Variants in ADGB observed in about 807,000 individuals in gnomAD.
ADGB encodes the protein androglobin.
Under a neutral mutation model 210.5 loss-of-function variants are expected in ADGB, and 172 were observed. The observed-to-expected ratio is 0.82, with a 90% CI of 0.72 to 0.93. The LOEUF is 0.93. Among genes scored for constraint, ADGB ranks in the 40% least tolerant of loss-of-function variants. ADGB has a pLI of 0.00. For synonymous variants in ADGB, 658 were observed against 662.7 expected (o/e 0.99, Z 0.11); for missense variants, 2,025 against 1,964.8 (o/e 1.03, Z -0.58).
At chr6:146,767,452 A>G (rs1045749890) in intron 28 of ADGB, among the ~76,000 whole-genome samples, 1 of 152,174 alleles carries the variant, frequency 6.6e-6, no homozygotes, top group Non-Finnish European at 1.5e-5. Flanking sequence ...CTTCACACAT[A>G]GATCTTGAAT....
At chr6:146,758,156 T>C (rs1267488695) in intron 27 of ADGB, among the ~76,000 whole-genome samples, 1 of 152,118 alleles carries the variant, frequency 6.6e-6, no homozygotes, top group African/African-American at 2.4e-5. Context: ...TCATTCAAAC[T>C]TGCCCAACTC....
intron 35 of ADGB, among the ~76,000 whole-genome samples, chr6:146,812,753 C>A (rs952060774): frequency 1.3e-5 from 2 of 152,174 alleles, no homozygotes; most frequent in African/African-American, 2.4e-5. Context: ...CTAAAGTTTT[C>A]AATGACATGC....
At chr6:146,637,889 G>A (rs1775447818) in intron 2 of ADGB, among the ~76,000 whole-genome samples, 1 of 151,942 alleles carries the variant, frequency 6.6e-6, no homozygotes, top group South Asian at 2.1e-4. Flanking sequence ...CTCATTCCAT[G>A]AGAACATCAT....
At chr6:146,666,935 T>G in intron 7 of ADGB, 33 bp downstream of exon 7, 1 of 1,431,092 alleles carries the variant, frequency 7.0e-7, no homozygotes, top group Non-Finnish European at 9.6e-7. Flanking sequence ...TCATATCTAT[T>G]TTTTTTATCT....
chr6:146,716,903 T>G lies in ADGB; in HGVS notation c.1762T>G (p.Phe588Val). 2.6e-6 allele frequency: 4 copies of G among 1,549,594 alleles called. No homozygotes were observed. The highest frequency in any genetic ancestry group is 3.5e-6 in the Non-Finnish European group (4 of 1,145,926). Residue 588 changes from phenylalanine to valine, a missense_variant, in exon 15 of 36, where the codon TTT (phenylalanine) becomes GTT (valine). Coordinates refer to ENST00000397944, the MANE Select transcript of ADGB (RefSeq NM_024694.4). ...TCTAGGCACAGATGAACAAACAGAC[T>G]TTGGATTGGGTGATGCTCATCAGAG... ...LGKGTDEQTD[F>V]GLGDAHQSDG...
chr6:146,732,997 G>T, intron 20 of ADGB, 123 bp from the exon 21 acceptor site: 1 of 705,190 alleles, frequency 1.4e-6, no homozygotes, highest in Non-Finnish European at 2.1e-6. Context: ...TCTTCTGTTA[G>T]GTTGCGTGTA....
intron 13 of ADGB, among the ~76,000 whole-genome samples, chr6:146,712,298 C>T (rs546224883): frequency 6.6e-6 from 1 of 152,104 alleles, no homozygotes; most frequent in Admixed American, 6.5e-5. Context: ...GATTCTCCTG[C>T]CTCAGCCTCC....
chr6:146,645,706 A>C (rs1010985717), intron 3 of ADGB, among the ~76,000 whole-genome samples: 3 of 152,062 alleles, frequency 2.0e-5, no homozygotes, highest in African/African-American at 7.2e-5. Flanking sequence ...CTAATTCAAG[A>C]AAATATGATA....
At chr6:146,666,683 G>T (rs1033047682) in intron 6 of ADGB, 133 bp from the exon 7 acceptor site, 4 of 444,836 alleles carry the variant, frequency 9.0e-6, no homozygotes, top group Non-Finnish European at 1.6e-5. Flanking sequence ...TGGCTTCTGG[G>T]ATAGTATTTT....
At chr6:146,716,599 CAAAAAAAAAAAAAA>C (rs10606792) in intron 14 of ADGB, among the ~76,000 whole-genome samples, 1,190 of 66,886 alleles carry the variant, frequency 0.018, 223 homozygotes, top group African/African-American at 0.1. Flanking sequence ...GACTCCGTCT[CAAAAAAAAAAAAAA>C]AAAAAAAAAA....
intron 33 of ADGB, among the ~76,000 whole-genome samples, chr6:146,794,054 C>G (rs960826522): frequency 1.3e-5 from 2 of 152,092 alleles, no homozygotes; most frequent in Admixed American, 6.5e-5. Context: ...CATTCCTAAC[C>G]CTATATGTAG....
intron 27 of ADGB, among the ~76,000 whole-genome samples, chr6:146,762,840 T>C (rs1468126614): frequency 1.3e-5 from 2 of 152,144 alleles, no homozygotes; most frequent in Non-Finnish European, 2.9e-5. Flanking sequence ...AGAATTTCAA[T>C]GTCTCTCAAC....
rs1021693437 is a variant in ADGB at position 146,723,781 on chromosome 6, T to A, written c.2096-405T>A. Among the ~76,000 whole-genome samples the A allele has an allele frequency of 4.6e-5, 7 of 152,288 alleles. No homozygotes were observed. In the East Asian group the frequency reaches 7.7e-4, roughly 17 times the overall value. The stretch of plus-strand genomic sequence containing the variant: ...TTGATAAACAGTGGGATATTTGGAT[T>A]TATTTTTTACACTATTTTAGAGAAA... On this transcript the variant is annotated intron_variant, in intron 17 of 35. Transcript: ENST00000397944.
intron 10 of ADGB, among the ~76,000 whole-genome samples, chr6:146,687,856 T>C (rs138028548): frequency 6.6e-6 from 1 of 152,174 alleles, no homozygotes; most frequent in African/African-American, 2.4e-5. Flanking sequence ...AAACCCCCTT[T>C]AAAACCACAA....
chr6:146,646,719 A>G (rs561140976), intron 3 of ADGB, among the ~76,000 whole-genome samples: 3 of 152,182 alleles, frequency 2.0e-5, no homozygotes. Context: ...GCAACAAATC[A>G]GAGGCTGAAT....
chr6:146,769,409 T>G (rs1206999862), intron 29 of ADGB, among the ~76,000 whole-genome samples: 1 of 152,168 alleles, frequency 6.6e-6, no homozygotes, highest in African/African-American at 2.4e-5. Flanking sequence ...TGATTATACT[T>G]TTGAACATTT....
intron 4 of ADGB, 30 bp from the exon 5 acceptor site, chr6:146,656,741 C>T (rs1426068380): frequency 7.0e-7 from 1 of 1,432,366 alleles, no homozygotes; most frequent in Non-Finnish European, 9.3e-7. Flanking sequence ...TGAAAAATAA[C>T]CAATTAACCC....
chr6:146,644,513 C>T (rs577978795), intron 2 of ADGB, among the ~76,000 whole-genome samples: 1 of 151,876 alleles, frequency 6.6e-6, no homozygotes, highest in East Asian at 1.9e-4. Context: ...TTTAGGCTAC[C>T]TCCTATACAA....
At position 146,613,772 on chromosome 6, in the gene ADGB, C is replaced by T. The variant is rs569469636; in HGVS notation, c.74+14658C>T. Among the ~76,000 whole-genome samples, 37 of 152,116 alleles carry T rather than the reference C, an allele frequency of 2.4e-4. No homozygotes were observed. The South Asian group carries it at 7.5e-3, about 31-fold the overall frequency. ...TCTTTATTGTATTAAATAAACTTTT[C>T]AATTGACTTCAGAGTTTCTAAGAAA... On this transcript the variant is annotated intron_variant, in intron 1 of 35. Coordinates refer to ENST00000397944, the MANE Select transcript of ADGB (RefSeq NM_024694.4).
Sources: gnomAD v4.1 joint callset for allele counts (sites outside exome capture counted in the v4.1 genomes callset) on GRCh38, gnomAD v4.1.1 for gene constraint, MANE v1.5 for transcripts, NCBI Gene and HGNC (gene_info 2026-07-23, HGNC 2026-07-21) for gene names.